Variants in ZMYM2 observed in about 807,000 individuals in gnomAD.
ZMYM2 encodes zinc finger MYM-type protein 2.
ZMYM2 carries 56 observed loss-of-function variants against 162.8 expected under a neutral mutation model. The ratio of observed to expected loss-of-function variants is 0.34; its 90% CI spans 0.28 to 0.43. ZMYM2 has a LOEUF of 0.43. ZMYM2 is among the 20% of genes least tolerant of loss of function. The pLI is 1.00. For synonymous variants in ZMYM2, 510 were observed against 541.6 expected, an observed-to-expected ratio of 0.94 and a Z score of 0.81; for missense variants, 1,275 against 1,621.8, an observed-to-expected ratio of 0.79 and a Z score of 3.67.
chr13:19,969,765 C>G (rs193103748), intron 2 of ZMYM2, among the ~76,000 whole-genome samples: 1 of 150,814 alleles, frequency 6.6e-6, no homozygotes, highest in Admixed American at 6.6e-5. Flanking sequence ...TGAAATTTGT[C>G]TAATAAGGAA....
chr13:19,993,616 A>G lies in ZMYM2; in HGVS notation c.544A>G (p.Ile182Val), dbSNP rs1396131339. 1 of 1,614,194 alleles carries G rather than the reference A, an allele frequency of 6.2e-7. No individual in the cohort carries two copies. The highest frequency in any genetic ancestry group is 1.7e-5 in the Admixed American group (1 of 60,026). The change falls in exon 3 of 25, where the codon ATT (isoleucine) becomes GTT (valine). Residue 182 changes from isoleucine to valine, a missense_variant. Physicochemically the swap from Ile to Val is conservative, Grantham distance 29. Around this residue, in one of 10 missense-constraint regions of ZMYM2, gnomAD observed 295 missense variants for 286.7 expected, o/e 1.03. Transcript: ENST00000610343. The stretch of plus-strand genomic sequence containing the variant: ...TATCACCACAGAACCAGACTCTGAA[A>G]TTCAGATTGCTAATGTTACAACTTT... ...SGITTEPDSE[I>V]QIANVTTLET... is the part of the protein sequence containing the mutation.
At chr13:20,050,878 T>A (rs922512114) in intron 12 of ZMYM2, among the ~76,000 whole-genome samples, 2 of 152,114 alleles carry the variant, frequency 1.3e-5, no homozygotes, top group Non-Finnish European at 2.9e-5. Flanking sequence ...ATTTAAACAT[T>A]GAGTGTTTTA....
At chr13:19,950,354 T>G in the ZMYM2 span, among the ~76,000 whole-genome samples, 2 of 152,232 alleles carry the variant, frequency 1.3e-5, no homozygotes, top group Admixed American at 1.3e-4. Flanking sequence ...ACTGGTAAAT[T>G]AAGTTTAGCC....
At chr13:20,006,248 AT>A (rs60469557) in intron 5 of ZMYM2, 125 bp from the exon 6 acceptor site, 16 of 554,144 alleles carry the variant, frequency 2.9e-5, no homozygotes, top group Middle Eastern at 6.4e-4. Flanking sequence ...AAAAAAAAAA[AT>A]TTTTTTTTTC....
the ZMYM2 span, among the ~76,000 whole-genome samples, chr13:19,884,345 G>A: frequency 1.3e-5 from 2 of 152,160 alleles, no homozygotes; most frequent in Admixed American, 6.6e-5. Flanking sequence ...AAAGGCCCTG[G>A]CAGAAAAAGC....
chr13:20,029,192 G>A (rs911274175), intron 9 of ZMYM2, among the ~76,000 whole-genome samples: 7 of 152,192 alleles, frequency 4.6e-5, no homozygotes, highest in Admixed American at 1.3e-4. Context: ...TTTGTTGTCC[G>A]TTGAAGGTCT....
the ZMYM2 span, among the ~76,000 whole-genome samples, chr13:19,878,707 A>G: frequency 5.9e-5 from 9 of 152,058 alleles, no homozygotes; most frequent in East Asian, 1.7e-3. Flanking sequence ...TTTTTAGTAG[A>G]GACGGGGTTT....
intron 2 of ZMYM2, among the ~76,000 whole-genome samples, chr13:19,961,831 A>G (rs1193571998): frequency 1.3e-5 from 2 of 152,242 alleles, no homozygotes; most frequent in Non-Finnish European, 2.9e-5. Context: ...AGACAGTAAG[A>G]TGAAGATAAC....
the ZMYM2 span, among the ~76,000 whole-genome samples, chr13:19,906,080 A>G: frequency 2.6e-5 from 4 of 151,788 alleles, no homozygotes; most frequent in Non-Finnish European, 5.9e-5. Context: ...GTTGGAGACC[A>G]GCCTGACTAA....
the ZMYM2 span, among the ~76,000 whole-genome samples, chr13:19,881,397 G>A: frequency 0.012 from 1,823 of 151,838 alleles, 38 homozygotes; most frequent in African/African-American, 0.04. Flanking sequence ...TGAGGTGGGC[G>A]GATCACTTGA....
At chr13:20,032,403 T>C (rs78085953) in intron 10 of ZMYM2, among the ~76,000 whole-genome samples, 3,946 of 142,550 alleles carry the variant, frequency 0.028, 119 homozygotes, top group East Asian at 0.16. Flanking sequence ...TTGTTTCTTT[T>C]CACTGCTTTA....
intron 6 of ZMYM2, among the ~76,000 whole-genome samples, chr13:20,009,975 G>A (rs2140030960): frequency 6.6e-6 from 1 of 152,284 alleles, no homozygotes; most frequent in South Asian, 2.1e-4. Context: ...ACCTTTTGAA[G>A]AATTGTCAAA....
At chr13:19,867,272 C>T in the ZMYM2 span, among the ~76,000 whole-genome samples, 40 of 151,752 alleles carry the variant, frequency 2.6e-4, no homozygotes, top group African/African-American at 9.4e-4. Flanking sequence ...ATTGCTTGAA[C>T]TTGGGAGGCG....
the ZMYM2 span, among the ~76,000 whole-genome samples, chr13:19,891,464 T>C: frequency 6.6e-6 from 1 of 151,606 alleles, no homozygotes; most frequent in African/African-American, 2.4e-5. Flanking sequence ...AGTTTTTTTT[T>C]TTTTCCTCTT....
Position 20,087,432 on chromosome 13 carries a change from A to G in ZMYM2, c.*1418A>G, listed in dbSNP as rs991508268. The G allele has an allele frequency of 2.1e-5, 4 of 189,386 alleles. No homozygotes were observed. The allele number at this position is 189,386 out of a possible 1,614,324, so 11.7% of individuals were successfully genotyped here. On this transcript the variant is annotated 3_prime_UTR_variant, in exon 25 of 25. Coordinates refer to ENST00000610343, the MANE Select transcript of ZMYM2 (RefSeq NM_197968.4). ...GCTCTTTTCTAGCATGTGTGTAATC[A>G]TGTTTTCTTCTGATTCCTGAATGAC...
intron 1 of ZMYM2, among the ~76,000 whole-genome samples, chr13:19,959,502 G>C (rs932422731): frequency 5.3e-5 from 8 of 152,184 alleles, no homozygotes; most frequent in East Asian, 3.9e-4. Flanking sequence ...CTGCAGGGGG[G>C]GGCAAACCTC....
the ZMYM2 span, among the ~76,000 whole-genome samples, chr13:19,894,365 GAC>G: frequency 6.9e-6 from 1 of 144,524 alleles, no homozygotes; most frequent in East Asian, 2.0e-4. Context: ...TTTTTTTTGA[GAC>G]AGAGTTTCAC....
At chr13:20,024,564 A>G (rs1952409337) in intron 7 of ZMYM2, 1 of 223,862 alleles carries the variant, frequency 4.5e-6, no homozygotes, top group African/African-American at 2.2e-5. Flanking sequence ...GTTGTCCCGA[A>G]TATTTTATAG....
the ZMYM2 span, among the ~76,000 whole-genome samples, chr13:19,916,805 T>C: frequency 3.3e-5 from 5 of 152,104 alleles, no homozygotes; most frequent in South Asian, 2.1e-4. Context: ...GGCGCATGTA[T>C]ACATATGTAA....
Sources: gnomAD v4.1 joint callset for allele counts (sites outside exome capture counted in the v4.1 genomes callset) on GRCh38, gnomAD v4.1.1 for gene constraint, gnomAD v4.1.1 regional missense constraint, MANE v1.5 for transcripts, NCBI Gene and HGNC (gene_info 2026-07-23, HGNC 2026-07-21) for gene names.